The following TACC2 variants were observed in gnomAD, a reference collection of about 807,000 sequenced individuals.
TACC2 encodes the protein transforming acidic coiled-coil containing protein 2.
In TACC2, 137 loss-of-function variants were observed where a neutral mutation model predicts 227.3. The observed-to-expected ratio is 0.60, with a 90% confidence interval of 0.52 to 0.69. The LOEUF is 0.69. TACC2 is among the 30% of genes least tolerant of loss of function. The pLI is 0.00. For missense variants in TACC2, 3,470 were observed against 3,694.4 expected (o/e 0.94, Z 1.57); for synonymous variants, 1,523 against 1,487.5 (o/e 1.02, Z -0.55).
Position 122,254,039 on chromosome 10 carries a change from A to G in TACC2, c.8830A>G (p.Lys2944Glu), listed in dbSNP as rs773647485. ...CAAGATTTGTGACGAACTGATTGCC[A>G]AAATGGGGAAAAGCTAACTCTGAAC... Reference protein sequence around the residue: ...LTKICDELIAKMGKS With the variant: ...LTKICDELIAEMGKS Residue 2944 changes from lysine to glutamate, a missense_variant, in exon 23 of 23, where the codon AAA (lysine) becomes GAA (glutamate). Transcript: ENST00000369005. The G allele has an allele frequency of 6.2e-7, 1 of 1,614,158 alleles. No homozygotes were observed. The highest frequency in any genetic ancestry group is 8.5e-7 in the Non-Finnish European group (1 of 1,179,972).
chr10:122,022,638 C>T (rs1285377111), intron 2 of TACC2: 1 of 152,208 alleles, frequency 6.6e-6, no homozygotes, highest in Non-Finnish European at 1.5e-5. Flanking sequence ...TTGTGTCCAC[C>T]CATCAACTTA....
chr10:122,156,079 C>T (rs574887532), intron 7 of TACC2, among the ~76,000 whole-genome samples: 3 of 151,418 alleles, frequency 2.0e-5, no homozygotes, highest in East Asian at 2.0e-4. Context: ...CCTTGTGATC[C>T]GCCTGCCTCG....
At chr10:122,216,470 T>TTTCC (rs1284554847) in intron 10 of TACC2, among the ~76,000 whole-genome samples, 157 bp from the exon 11 acceptor site, 1 of 152,098 alleles carries the variant, frequency 6.6e-6, no homozygotes, top group East Asian at 1.9e-4. Context: ...TGTCCATCTG[T>TTTCC]TTCCTTAATG....
intron 6 of TACC2, among the ~76,000 whole-genome samples, chr10:122,140,519 T>A (rs1487146447): frequency 6.6e-6 from 1 of 152,238 alleles, no homozygotes; most frequent in Non-Finnish European, 1.5e-5. Context: ...AGGCTAGCTT[T>A]CCGCCAGAGG....
At chr10:121,992,482 AC>A (rs1297655950) in intron 1 of TACC2, among the ~76,000 whole-genome samples, 1 of 151,992 alleles carries the variant, frequency 6.6e-6, no homozygotes, top group African/African-American at 2.4e-5. Context: ...ATGTAATTGC[AC>A]AGAACAACTC....
intron 7 of TACC2, among the ~76,000 whole-genome samples, chr10:122,184,654 G>A (rs2140336830): frequency 6.6e-6 from 1 of 152,298 alleles, no homozygotes; most frequent in Non-Finnish European, 1.5e-5. Flanking sequence ...TACATAAACA[G>A]CACCTATGTG....
intron 5 of TACC2, among the ~76,000 whole-genome samples, chr10:122,117,633 T>C (rs1034054450): frequency 6.6e-6 from 1 of 152,182 alleles, no homozygotes; most frequent in Non-Finnish European, 1.5e-5. Context: ...TTGGCTCATC[T>C]CAGGTTATTT....
chr10:122,005,952 T>C (rs10047309), intron 1 of TACC2, among the ~76,000 whole-genome samples: 23,321 of 151,910 alleles, frequency 0.15, 2,142 homozygotes, highest in Admixed American at 0.23. Context: ...GCCTCAGCCT[T>C]CCAAAGTGTT....
intron 1 of TACC2, among the ~76,000 whole-genome samples, chr10:121,989,923 T>C (rs533361309): frequency 6.6e-6 from 1 of 151,842 alleles, no homozygotes; most frequent in African/African-American, 2.4e-5. Context: ...ATGTGCAGCA[T>C]GGGAAATATT....
chr10:122,083,463 A>G lies in TACC2; in HGVS notation c.963A>G (p.Pro321=), dbSNP rs1283488236. 6.2e-7 allele frequency: 1 copy of G among 1,613,390 alleles called. No homozygotes were observed. The highest frequency in any genetic ancestry group is 2.2e-5 in the East Asian group (1 of 44,880). The change falls in exon 4 of 23, where the codon CCA becomes CCG. Residue 321 remains proline, a synonymous_variant. Coordinates refer to ENST00000369005, the MANE Select transcript of TACC2 (RefSeq NM_206862.4). The stretch of plus-strand genomic sequence containing the variant: ...CTAGGAGCAATTCAGGGGCTGCCCC[A>G]GAAGCAGAAGTGAATGCCGCTTCCC... ...HLPRSNSGAA[P]EAEVNAASQE...
intron 7 of TACC2, among the ~76,000 whole-genome samples, chr10:122,149,688 C>T (rs952674729): frequency 6.6e-6 from 1 of 152,218 alleles, no homozygotes; most frequent in African/African-American, 2.4e-5. Flanking sequence ...TTCGCCAGTC[C>T]GCTCCCCAGC....
At chr10:122,139,233 G>C (rs2090164602) in intron 6 of TACC2, among the ~76,000 whole-genome samples, 1 of 152,354 alleles carries the variant, frequency 6.6e-6, no homozygotes, top group South Asian at 2.1e-4. Flanking sequence ...GTGGATAGAC[G>C]TGTGCCAGGG....
At chr10:122,013,095 C>A (rs575140113) in intron 1 of TACC2, among the ~76,000 whole-genome samples, 8 of 152,268 alleles carry the variant, frequency 5.3e-5, no homozygotes, top group African/African-American at 7.2e-5. Flanking sequence ...CAGCCTCTCA[C>A]GAGCAGAGGG....
chr10:122,068,060 G>A (rs1235151454), intron 3 of TACC2, among the ~76,000 whole-genome samples: 1 of 151,794 alleles, frequency 6.6e-6, no homozygotes, highest in African/African-American at 2.4e-5. Flanking sequence ...CATTTTTATC[G>A]CTATATCTTG....
At position 122,069,311 on chromosome 10, in the gene TACC2, G is replaced by A. The variant is rs898400586; in HGVS notation, c.147-13336G>A. Among the ~76,000 whole-genome samples the A allele has an allele frequency of 2.6e-5, 4 of 151,664 alleles. No individual in the cohort carries two copies. The East Asian group carries it at 5.8e-4, about 22-fold the overall frequency. On this transcript the variant is annotated intron_variant, in intron 3 of 22. Coordinates refer to ENST00000369005, the MANE Select transcript of TACC2 (RefSeq NM_206862.4). ...GCCTGGAGTGCAGTGGCGCCATCTC[G>A]GCTCACTACAATCTTCACCTCCCAG...
At chr10:122,222,648 A>G (rs2095543702) in intron 11 of TACC2, among the ~76,000 whole-genome samples, 1 of 152,170 alleles carries the variant, frequency 6.6e-6, no homozygotes. Flanking sequence ...CCTAAAACTC[A>G]CCCAGATTCA....
chr10:122,027,554 C>T (rs941740196), intron 2 of TACC2, among the ~76,000 whole-genome samples: 9 of 152,016 alleles, frequency 5.9e-5, no homozygotes, highest in African/African-American at 2.2e-4. Context: ...ATTTGTGTGG[C>T]TCTGTTTCTG....
intron 11 of TACC2, among the ~76,000 whole-genome samples, chr10:122,217,473 C>T (rs1459603399): frequency 1.8e-5 from 2 of 108,802 alleles, no homozygotes; most frequent in African/African-American, 3.4e-5. Context: ...TGGGGTTTCA[C>T]TCTTGTCCAG....
chr10:122,223,329 C>T (rs2095559576), intron 11 of TACC2, among the ~76,000 whole-genome samples: 1 of 152,098 alleles, frequency 6.6e-6, no homozygotes. Context: ...AGCCACTGTG[C>T]CCTGTCCTGC....
Sources: gnomAD v4.1 joint callset for allele counts (sites outside exome capture counted in the v4.1 genomes callset) on GRCh38, gnomAD v4.1.1 for gene constraint, MANE v1.5 for transcripts, NCBI Gene and HGNC (gene_info 2026-07-23, HGNC 2026-07-21) for gene names.